CCL22: variants seen among roughly 807,000 people sequenced by gnomAD.
CCL22 encodes the protein C-C motif chemokine 22.
A neutral mutation model predicts 7.6 loss-of-function variants in CCL22; 7 were observed. That is an observed-to-expected ratio of 0.92 (90% CI 0.52 to 1.72). CCL22 has a LOEUF of 1.72. CCL22 is among the 40% of genes most tolerant of loss of function. CCL22 has a pLI of 0.00. For synonymous variants in CCL22, 55 were observed against 47.2 expected, an observed-to-expected ratio of 1.17 and a Z score of -0.68; for missense variants, 115 against 124.7, an observed-to-expected ratio of 0.92 and a Z score of 0.37.
At chr16:57,358,147 T>C (rs555541024), upstream of CCL22, among the ~76,000 whole-genome samples, 21 of 151,860 alleles carry the variant, frequency 1.4e-4, no homozygotes, top group Non-Finnish European at 2.1e-4. Flanking sequence ...GACATGGACA[T>C]GGTGAGGGAC....
At chr16:57,360,203 C>T (rs182975300) in intron 1 of CCL22, among the ~76,000 whole-genome samples, 109 of 152,288 alleles carry the variant, frequency 7.2e-4, no homozygotes, top group African/African-American at 2.5e-3. Context: ...TCTGAATCCC[C>T]GCTCCTAGAG....
chr16:57,360,311 T>C (rs1597989946), intron 1 of CCL22, 126 bp from the exon 2 acceptor site: 1 of 1,199,592 alleles, frequency 8.3e-7, no homozygotes, highest in Non-Finnish European at 1.2e-6. Flanking sequence ...GTCACCATCC[T>C]TCCACATGAG....
intron 1 of CCL22, among the ~76,000 whole-genome samples, chr16:57,359,939 C>A (rs1433325034): frequency 1.3e-5 from 2 of 152,222 alleles, no homozygotes; most frequent in African/African-American, 4.8e-5. Flanking sequence ...GGCTCACTAT[C>A]CATTTTTGTC....
chr16:57,359,248 C>A (rs939242476), intron 1 of CCL22, among the ~76,000 whole-genome samples: 67 of 152,036 alleles, frequency 4.4e-4, no homozygotes, highest in Non-Finnish European at 8.8e-5. Flanking sequence ...GGGGTTCTCC[C>A]TTGGAAAGCT....
At chr16:57,358,135 G>GGGACAT (rs1343435761), upstream of CCL22, among the ~76,000 whole-genome samples, 6 of 152,154 alleles carry the variant, frequency 3.9e-5, no homozygotes, top group Non-Finnish European at 8.8e-5. Flanking sequence ...CAGAATCAAC[G>GGGACAT]GGACATGGAC....
At chr16:57,363,015 C>T (rs72786861) in intron 2 of CCL22, among the ~76,000 whole-genome samples, 4,739 of 151,250 alleles carry the variant, frequency 0.031, 92 homozygotes, top group Non-Finnish European at 0.042. Context: ...TTTCTTGACA[C>T]GGGGTCTCAT....
rs1027621167 is a variant in CCL22, at chr16:57,365,775, A to G, written c.*2187A>G. ...CTCTTGAGAAATATTCTTTTCATACAGCAAGTATGGGACAGCAGTGTCCCA... is the reference window on the plus strand; with the variant it reads ...CTCTTGAGAAATATTCTTTTCATACGGCAAGTATGGGACAGCAGTGTCCCA... On this transcript the variant is annotated 3_prime_UTR_variant, in exon 3 of 3. Transcript: ENST00000219235. The G allele has an allele frequency of 1.3e-5, 2 of 152,298 alleles. No homozygotes were observed. The highest frequency in any genetic ancestry group is 1.3e-4 in the Admixed American group (2 of 15,284). 9.4% of individuals were successfully genotyped at this position (152,298 alleles called of 1,614,324 possible). A position where few individuals can be genotyped will look rare whatever the true frequency, so the allele number is the denominator to read the frequency against.
intron 1 of CCL22, among the ~76,000 whole-genome samples, 159 bp downstream of exon 1, chr16:57,359,048 GT>G (rs1902019887): frequency 1.3e-5 from 2 of 152,224 alleles, no homozygotes; most frequent in Admixed American, 6.5e-5. Flanking sequence ...CTGGGCCTCA[GT>G]TTACAAGTCT....
chr16:57,362,996 C>T (rs2146498876), intron 2 of CCL22, among the ~76,000 whole-genome samples: 1 of 148,146 alleles, frequency 6.8e-6, no homozygotes, highest in South Asian at 2.1e-4. Context: ...GCCTCTTCCT[C>T]TTTTTTTTTT....
chr16:57,363,667 C>A lies in CCL22; in HGVS notation c.*79C>A. 1.2e-6 allele frequency: 1 copy of A among 868,088 alleles called. No homozygotes were observed. Among genetic ancestry groups the A allele is most frequent in the South Asian group, 1.4e-5 (1 of 72,628 alleles). 53.8% of individuals were successfully genotyped at this position (868,088 alleles called of 1,614,324 possible). ...CTACCTCCCTGCCATTATAGCTGCTCCCCGCCAGAAGCCTGTGCCAACTCT... is the reference window on the plus strand; with the variant it reads ...CTACCTCCCTGCCATTATAGCTGCTACCCGCCAGAAGCCTGTGCCAACTCT... On this transcript the variant is annotated 3_prime_UTR_variant, in exon 3 of 3. Coordinates refer to ENST00000219235, the MANE Select transcript of CCL22 (RefSeq NM_002990.5).
intron 2 of CCL22, 104 bp from the exon 3 acceptor site, chr16:57,363,400 C>A: frequency 2.9e-6 from 2 of 698,130 alleles, no homozygotes; most frequent in Non-Finnish European, 5.2e-6. Flanking sequence ...AAATGCTGAG[C>A]CCTGCATAAA....
At chr16:57,360,105 A>AT (rs1902031536) in intron 1 of CCL22, among the ~76,000 whole-genome samples, 1 of 152,190 alleles carries the variant, frequency 6.6e-6, no homozygotes, top group African/African-American at 2.4e-5. Flanking sequence ...CTTTTCATGC[A>AT]TTAAAGACCC....
At chr16:57,359,579 G>A (rs1050785644) in intron 1 of CCL22, among the ~76,000 whole-genome samples, 1 of 146,536 alleles carries the variant, frequency 6.8e-6, no homozygotes, top group African/African-American at 2.5e-5. Context: ...GCCTCCCAAA[G>A]TGCTGGGATT....
At chr16:57,361,642 G>GCCTGCA (rs1477939031) in intron 2 of CCL22, among the ~76,000 whole-genome samples, 9 of 152,236 alleles carry the variant, frequency 5.9e-5, no homozygotes, top group African/African-American at 2.2e-4. Context: ...CTGGCCTGGG[G>GCCTGCA]CCTGCACCTG....
chr16:57,357,998 G>A (rs1278970103), upstream of CCL22, among the ~76,000 whole-genome samples: 5 of 152,210 alleles, frequency 3.3e-5, no homozygotes, highest in African/African-American at 7.2e-5. Context: ...GACCACTCAC[G>A]CTGGCTGCTG....
intron 1 of CCL22, among the ~76,000 whole-genome samples, 193 bp from the exon 2 acceptor site, chr16:57,360,244 C>T (rs1408008994): frequency 6.6e-6 from 1 of 152,208 alleles, no homozygotes; most frequent in Non-Finnish European, 1.5e-5. Context: ...ACATTGGACC[C>T]TAAGTGGCTT....
intron 1 of CCL22, among the ~76,000 whole-genome samples, chr16:57,360,206 T>G (rs1156447917): frequency 6.6e-6 from 1 of 152,188 alleles, no homozygotes; most frequent in African/African-American, 2.4e-5. Flanking sequence ...GAATCCCCGC[T>G]CCTAGAGCTG....
chr16:57,363,680 C>T lies in CCL22; in HGVS notation c.*92C>T. 1.3e-6 allele frequency: 1 copy of T among 785,386 alleles called. No homozygotes were observed. Among genetic ancestry groups the T allele is most frequent in the Admixed American group, 1.9e-5 (1 of 52,152 alleles). 48.7% of individuals were successfully genotyped at this position (785,386 alleles called of 1,614,324 possible). On this transcript the variant is annotated 3_prime_UTR_variant, in exon 3 of 3. Coordinates refer to ENST00000219235, the MANE Select transcript of CCL22 (RefSeq NM_002990.5). ...ATTATAGCTGCTCCCCGCCAGAAGCCTGTGCCAACTCTCTGCATTCCCTGA... is the reference window on the plus strand; with the variant it reads ...ATTATAGCTGCTCCCCGCCAGAAGCTTGTGCCAACTCTCTGCATTCCCTGA...
rs368342817 is a variant in CCL22 at position 57,360,579 on chromosome 16, C to T, written c.197+19C>T. ...GCGTGGTGTGAGTAGGGAGCTGGGG[C>T]CACAGGGCCTTGGTGGGCCTGACGG... On this transcript the variant is annotated intron_variant, in intron 2 of 2. Coordinates refer to ENST00000219235, the MANE Select transcript of CCL22 (RefSeq NM_002990.5). 8 of 1,613,712 alleles carry T rather than the reference C, an allele frequency of 5.0e-6. No homozygotes were observed. The highest frequency in any genetic ancestry group is 6.8e-6 in the Non-Finnish European group (8 of 1,179,890).
Sources: allele counts gnomAD v4.1 joint callset (sites outside exome capture counted in the v4.1 genomes callset), GRCh38; gene constraint gnomAD v4.1.1; transcripts MANE v1.5; gene names NCBI Gene and HGNC (gene_info 2026-07-23, HGNC 2026-07-21).